Variants in AGBL1 observed in about 807,000 individuals in gnomAD.
AGBL1 encodes cytosolic carboxypeptidase 4.
AGBL1 carries 130 observed loss-of-function variants against 118.9 expected under a neutral mutation model. The observed-to-expected ratio is 1.09, with a 90% CI of 0.95 to 1.26. AGBL1 has a LOEUF of 1.26. AGBL1 is among the 50% of genes most tolerant of loss of function. The pLI is 0.00. For synonymous variants in AGBL1, 555 were observed against 478.9 expected (o/e 1.16, Z -2.08); for missense variants, 1,584 against 1,298.1 (o/e 1.22, Z -3.38).
At chr15:86,886,417 T>C (rs964454159) in intron 22 of AGBL1, among the ~76,000 whole-genome samples, 2 of 152,204 alleles carry the variant, frequency 1.3e-5, no homozygotes, top group African/African-American at 2.4e-5. Flanking sequence ...TATGGTGTAA[T>C]GAAAGCAGCA....
At chr15:86,646,593 T>A (rs568720824) in intron 21 of AGBL1, among the ~76,000 whole-genome samples, 1 of 152,152 alleles carries the variant, frequency 6.6e-6, no homozygotes, top group African/African-American at 2.4e-5. Context: ...TTTCTTTTTT[T>A]TAAGTTATTG....
intron 19 of AGBL1, among the ~76,000 whole-genome samples, chr15:86,542,110 T>G (rs2083506715): frequency 6.6e-6 from 1 of 152,326 alleles, no homozygotes; most frequent in South Asian, 2.1e-4. Context: ...TGAATGAATG[T>G]TGTGCTCAAC....
chr15:86,803,191 T>C (rs2078673836), intron 22 of AGBL1, among the ~76,000 whole-genome samples: 1 of 152,108 alleles, frequency 6.6e-6, no homozygotes, highest in Non-Finnish European at 1.5e-5. Context: ...TCCTCATGTG[T>C]CAAGGGAGGG....
intron 1 of AGBL1, among the ~76,000 whole-genome samples, chr15:86,130,563 A>C (rs749508883): frequency 6.6e-6 from 1 of 152,186 alleles, no homozygotes; most frequent in African/African-American, 2.4e-5. Context: ...ATGTTTCTCT[A>C]TTCTCTATCA....
At chr15:86,988,320 T>C (rs1336620503) in intron 24 of AGBL1, 1 of 418,876 alleles carries the variant, frequency 2.4e-6, no homozygotes, top group Non-Finnish European at 4.3e-6. Flanking sequence ...TCTGTATGCA[T>C]AGAACTCAGT....
In AGBL1 at chr15:87,001,776, G is replaced by T. The variant is rs370665508; in HGVS notation, c.3323+13688G>T. Among the ~76,000 whole-genome samples, 43 of 152,070 alleles carry T rather than the reference G, an allele frequency of 2.8e-4. No homozygotes were observed. The East Asian group carries it at 5.2e-3, about 18-fold the overall frequency. ...TGTGTCTGTTGGTGGCATAAATGTCGTCTTTTGAGAAGTGTCTGTTCATAT... is the reference window on the plus strand; with the variant it reads ...TGTGTCTGTTGGTGGCATAAATGTCTTCTTTTGAGAAGTGTCTGTTCATAT... On this transcript the variant is annotated intron_variant, in intron 24 of 24. Transcript: ENST00000441037.
chr15:86,379,312 T>C (rs2081081628), intron 17 of AGBL1, among the ~76,000 whole-genome samples: 1 of 152,210 alleles, frequency 6.6e-6, no homozygotes, highest in Non-Finnish European at 1.5e-5. Context: ...CAGAATATGA[T>C]AATATTATTA....
intron 21 of AGBL1, among the ~76,000 whole-genome samples, chr15:86,643,515 T>TA (rs1877048987): frequency 1.3e-5 from 2 of 152,160 alleles, no homozygotes; most frequent in African/African-American, 4.8e-5. Context: ...TTACGTATAT[T>TA]AGCTTGTCGC....
At chr15:86,553,870 T>A (rs1042525917) in intron 20 of AGBL1, among the ~76,000 whole-genome samples, 12 of 152,080 alleles carry the variant, frequency 7.9e-5, no homozygotes, top group Non-Finnish European at 1.6e-4. Context: ...TTCTAACTTT[T>A]TTTTTTTTGA....
chr15:86,527,090 A>G (rs561520309), intron 19 of AGBL1, among the ~76,000 whole-genome samples: 1 of 152,322 alleles, frequency 6.6e-6, no homozygotes, highest in South Asian at 2.1e-4. Context: ...AAGGCACTGT[A>G]ATCTCTGCAG....
intron 18 of AGBL1, among the ~76,000 whole-genome samples, chr15:86,456,822 A>AAT (rs1252587836): frequency 6.6e-6 from 1 of 152,152 alleles, no homozygotes; most frequent in Non-Finnish European, 1.5e-5. Flanking sequence ...GGTTTTATAA[A>AAT]ATAGAGCATA....
intron 21 of AGBL1, among the ~76,000 whole-genome samples, chr15:86,563,405 A>T: frequency 6.6e-6 from 1 of 152,188 alleles, no homozygotes; most frequent in Non-Finnish European, 1.5e-5. Context: ...TTATGTACCC[A>T]GTAGTCATTC....
chr15:86,756,877 A>T (rs558894785), intron 22 of AGBL1, among the ~76,000 whole-genome samples: 1 of 152,172 alleles, frequency 6.6e-6, no homozygotes, highest in African/African-American at 2.4e-5. Flanking sequence ...GAATATTGAC[A>T]GTTCAAATAG....
At chr15:87,003,298 T>C (rs1212430474) in intron 24 of AGBL1, among the ~76,000 whole-genome samples, 1 of 152,130 alleles carries the variant, frequency 6.6e-6, no homozygotes, top group Non-Finnish European at 1.5e-5. Flanking sequence ...TTGCGTATGT[T>C]GAACCAGTCT....
chr15:86,258,650 T>C lies in AGBL1; in HGVS notation c.969+619T>C, dbSNP rs8030930. ...CTTTGTCACAACTGCTCAACTTTGC[T>C]GTTGTAGCACAAAACAGCTATAGAC... is the stretch of plus-strand genomic sequence containing the variant. On this transcript the variant is annotated intron_variant, in intron 9 of 22. Coordinates refer to ENST00000614907, the MANE Select transcript of AGBL1 (RefSeq NM_001386094.1). Among the ~76,000 whole-genome samples the C allele has an allele frequency of 9.4e-3, 1,434 of 152,286 alleles. 23 individuals are homozygous for C. The highest frequency in any genetic ancestry group is 0.033 in the African/African-American group (1,383 of 41,538).
intron 24 of AGBL1, among the ~76,000 whole-genome samples, chr15:87,005,202 C>T (rs1305194956): frequency 6.6e-6 from 1 of 152,048 alleles, no homozygotes; most frequent in Non-Finnish European, 1.5e-5. Flanking sequence ...ATCTTTGTGG[C>T]TTTCTCTGTC....
At chr15:86,925,942 C>T (rs1334033364) in intron 23 of AGBL1, among the ~76,000 whole-genome samples, 2 of 151,828 alleles carry the variant, frequency 1.3e-5, no homozygotes, top group Non-Finnish European at 2.9e-5. Flanking sequence ...GTGTTAGTTA[C>T]GATGGTCTCA....
chr15:86,848,253 G>T (rs1398317588), intron 22 of AGBL1, among the ~76,000 whole-genome samples: 1 of 152,092 alleles, frequency 6.6e-6, no homozygotes, highest in African/African-American at 2.4e-5. Flanking sequence ...GCATTTGGTT[G>T]ATTTCCAAAG....
intron 24 of AGBL1, among the ~76,000 whole-genome samples, chr15:87,015,174 C>A (rs1354386934): frequency 1.3e-5 from 2 of 152,158 alleles, no homozygotes; most frequent in African/African-American, 4.8e-5. Context: ...GCCTCCCAGG[C>A]CTCTCAAGTC....
Sources: allele counts gnomAD v4.1 joint callset (sites outside exome capture counted in the v4.1 genomes callset), GRCh38; gene constraint gnomAD v4.1.1; transcripts MANE v1.5; gene names NCBI Gene and HGNC (gene_info 2026-07-23, HGNC 2026-07-21).